TLE1: variants seen among roughly 807,000 people sequenced by gnomAD.
TLE1 encodes TLE family member 1, transcriptional corepressor, also known as transducin-like enhancer protein 1.
TLE1 carries 21 observed loss-of-function variants against 89.8 expected under a neutral mutation model. That is an observed-to-expected ratio of 0.23 (90% confidence interval 0.17 to 0.34). The LOEUF (loss-of-function observed/expected upper bound fraction) is 0.34, where lower values mean the gene tolerates loss of function less well. Ranked by LOEUF, TLE1 falls within the 10% of genes least tolerant of loss-of-function variation. The pLI is 1.00. For synonymous variants in TLE1, 447 were observed against 407.6 expected (o/e 1.10, Z -1.16); for missense variants, 795 against 1,031.2 (o/e 0.77, Z 3.14).
chr9:81,637,773 T>C (rs1827587842), intron 6 of TLE1, among the ~76,000 whole-genome samples: 1 of 151,990 alleles, frequency 6.6e-6, no homozygotes, highest in African/African-American at 2.4e-5. Flanking sequence ...CATATTCGAC[T>C]TCTTGTTTCT....
At chr9:81,637,023 A>G (rs1051103424) in intron 6 of TLE1, among the ~76,000 whole-genome samples, 1 of 151,348 alleles carries the variant, frequency 6.6e-6, no homozygotes, top group South Asian at 2.1e-4. Flanking sequence ...AAAAGAAAAA[A>G]GAAAAAAAAA....
chr9:81,654,589 C>T (rs1393917805), intron 4 of TLE1, among the ~76,000 whole-genome samples: 3 of 152,200 alleles, frequency 2.0e-5, no homozygotes, highest in East Asian at 1.9e-4. Flanking sequence ...GATCCGCCCG[C>T]CTCGGCCTCC....
rs562335041 is a variant in TLE1, at chr9:81,683,918, G to T, written c.234+1758C>A. On this transcript the variant is annotated intron_variant, in intron 4 of 19. Coordinates refer to ENST00000376499, the MANE Select transcript of TLE1 (RefSeq NM_005077.5). ...CCTTCTCCCTACATGATAAAGAAGA[G>T]GTCATCCCGCCACATAACCTACAGG... 6.6e-5 allele frequency among the ~76,000 whole-genome samples: 10 copies of T among 152,128 alleles called. 1 individual carries two copies. Among genetic ancestry groups the T allele is most frequent in the African/African-American group, 2.4e-4 (10 of 41,474 alleles).
intron 4 of TLE1, among the ~76,000 whole-genome samples, chr9:81,659,866 A>G (rs1830557214): frequency 6.6e-6 from 1 of 152,168 alleles, no homozygotes; most frequent in Non-Finnish European, 1.5e-5. Context: ...TATGTAAGGT[A>G]TACTATTCCA....
Position 81,634,286 on chromosome 9 carries a change from C to T in TLE1, c.388G>A (p.Ala130Thr), listed in dbSNP as rs1340108478. 4.6e-6 allele frequency: 7 copies of T among 1,532,544 alleles called. No individual in the cohort carries two copies. The Admixed American group carries it at 5.9e-5, about 13-fold the overall frequency. 94.9% of individuals were successfully genotyped at this position (1,532,544 alleles called of 1,614,324 possible). ...NAIIGQQQLQ[A>T]QHLSHGHGPP... ...CCGTGGCCATGAGAAAGATGCTGAG[C>T]TTGCAACTGCTGCTGCTGTTGGTGG... The change falls in exon 7 of 20, where the codon GCT (alanine) becomes ACT (threonine). Residue 130 changes from alanine to threonine, a missense_variant. Around this residue, in one of 4 missense-constraint regions of TLE1, gnomAD observed 66 missense variants for 118.7 expected, o/e 0.56. Transcript: ENST00000376499.
chr9:81,602,756 G>A (rs1831107678), intron 14 of TLE1, among the ~76,000 whole-genome samples: 2 of 152,092 alleles, frequency 1.3e-5, no homozygotes, highest in South Asian at 4.1e-4. Flanking sequence ...GATGAGGAAG[G>A]AAGACAACAC....
chr9:81,674,273 A>G (rs1832610935), intron 4 of TLE1, among the ~76,000 whole-genome samples: 1 of 152,202 alleles, frequency 6.6e-6, no homozygotes, highest in Non-Finnish European at 1.5e-5. Context: ...GCAGTTTTCT[A>G]TTGTGTCTGT....
intron 6 of TLE1, 105 bp from the exon 7 acceptor site, chr9:81,634,406 G>A: frequency 5.4e-6 from 5 of 932,352 alleles, no homozygotes; most frequent in Non-Finnish European, 7.6e-6. Flanking sequence ...CATGACAGGA[G>A]GGGAAGGCGG....
At chr9:81,678,773 G>A (rs555951759) in intron 4 of TLE1, among the ~76,000 whole-genome samples, 2 of 152,150 alleles carry the variant, frequency 1.3e-5, no homozygotes, top group South Asian at 4.1e-4. Context: ...CAGGGAGGTA[G>A]AGGTTGCAGT....
chr9:81,651,796 G>A (rs1388199297), intron 6 of TLE1, among the ~76,000 whole-genome samples: 1 of 152,046 alleles, frequency 6.6e-6, no homozygotes, highest in Non-Finnish European at 1.5e-5. Context: ...AGGTGTCACA[G>A]GATGAACTAC....
chr9:81,635,686 T>C (rs2132387867), intron 6 of TLE1, among the ~76,000 whole-genome samples: 1 of 152,328 alleles, frequency 6.6e-6, no homozygotes, highest in Admixed American at 6.5e-5. Flanking sequence ...TTGCGTGCAC[T>C]GAACATATTA....
intron 15 of TLE1, among the ~76,000 whole-genome samples, chr9:81,592,213 C>T (rs1829636949): frequency 6.6e-6 from 1 of 152,168 alleles, no homozygotes; most frequent in African/African-American, 2.4e-5. Context: ...AAAAAATTAG[C>T]CGGGCGTGGT....
chr9:81,666,414 T>G (rs1831469798), intron 4 of TLE1, among the ~76,000 whole-genome samples: 1 of 152,010 alleles, frequency 6.6e-6, no homozygotes, highest in East Asian at 1.9e-4. Context: ...GCAGGATTAG[T>G]GGGAGGAAAA....
rs1164764103 is a variant in TLE1 at position 81,634,260 on chromosome 9, T to C, written c.414A>G (p.Gly138=). The stretch of plus-strand genomic sequence containing the variant: ...GGTGAGGCGTAAGGGGAACTGGGGG[T>C]CCGTGGCCATGAGAAAGATGCTGAG... The part of the protein sequence containing the change: ...LQAQHLSHGH[G]PPVPLTPHPS... Residue 138 remains glycine, a synonymous_variant, in exon 7 of 20, where the codon GGA becomes GGG. Coordinates refer to ENST00000376499, the MANE Select transcript of TLE1 (RefSeq NM_005077.5). The C allele has an allele frequency of 6.4e-7, 1 of 1,556,750 alleles. No individual in the cohort carries two copies. Among genetic ancestry groups the C allele is most frequent in the African/African-American group, 1.4e-5 (1 of 73,814 alleles).
chr9:81,675,701 TTTTTTTG>T (rs1286340723), intron 4 of TLE1, among the ~76,000 whole-genome samples: 2 of 140,194 alleles, frequency 1.4e-5, no homozygotes, highest in Non-Finnish European at 3.1e-5. Flanking sequence ...CACACTAGTT[TTTTTTTG>T]TTTTTTTTTT....
At chr9:81,601,966 T>C (rs777382048) in intron 14 of TLE1, among the ~76,000 whole-genome samples, 1 of 152,122 alleles carries the variant, frequency 6.6e-6, no homozygotes. Context: ...AGGAAGCAGA[T>C]AGAAACACGG....
intron 6 of TLE1, among the ~76,000 whole-genome samples, chr9:81,641,117 G>A (rs886801128): frequency 1.4e-4 from 21 of 152,286 alleles, no homozygotes; most frequent in Admixed American, 4.6e-4. Context: ...AAGAGCATTT[G>A]TTGACAGTTC....
At chr9:81,652,360 G>T in intron 5 of TLE1, 72 bp from the exon 6 acceptor site, 1 of 1,324,076 alleles carries the variant, frequency 7.6e-7, no homozygotes. Flanking sequence ...ACAACAAAAA[G>T]TCAAATGCTG....
chr9:81,634,139 T>C lies in TLE1; in HGVS notation c.535A>G (p.Ile179Val), dbSNP rs1316497935. The C allele has an allele frequency of 1.9e-6, 3 of 1,608,400 alleles. No homozygotes were observed. The highest frequency in any genetic ancestry group is 1.1e-5 in the South Asian group (1 of 89,646). ...SALSGQSHLA[I>V]KDDKKHHDAE... ...TCGTGGTGCTTCTTGTCATCTTTTATTGCCAAGTGAGACTGCCCACTCAGA... is the reference window on the plus strand; with the variant it reads ...TCGTGGTGCTTCTTGTCATCTTTTACTGCCAAGTGAGACTGCCCACTCAGA... Residue 179 changes from isoleucine (I) to valine (V), a missense_variant, in exon 7 of 20, where the codon ATA (isoleucine) becomes GTA (valine). Around this residue, in one of 4 missense-constraint regions of TLE1, gnomAD observed 468 missense variants for 509.1 expected, o/e 0.92. Coordinates refer to ENST00000376499, the MANE Select transcript of TLE1 (RefSeq NM_005077.5).
Sources: gnomAD v4.1 joint callset for allele counts (sites outside exome capture counted in the v4.1 genomes callset) on GRCh38, gnomAD v4.1.1 for gene constraint, gnomAD v4.1.1 regional missense constraint, MANE v1.5 for transcripts, NCBI Gene and HGNC (gene_info 2026-07-23, HGNC 2026-07-21) for gene names.